SLFN12L: variants seen among roughly 807,000 people sequenced by gnomAD.
SLFN12L encodes the protein schlafen family member 12 like.
In SLFN12L, 34 loss-of-function variants were observed where a neutral mutation model predicts 34.8. The observed-to-expected ratio is 0.98, with a 90% CI of 0.74 to 1.30. The LOEUF is 1.30. SLFN12L is among the 50% of genes most tolerant of loss of function. The pLI is 0.00. For missense variants in SLFN12L, 703 were observed against 696.2 expected (o/e 1.01, Z -0.11); for synonymous variants, 259 against 247.5 (o/e 1.05, Z -0.44).
chr17:35,464,950 C>G lies in SLFN12L; in HGVS notation c.*9973G>C, dbSNP rs970573271. Among the ~76,000 whole-genome samples the G allele has an allele frequency of 2.0e-5, 3 of 152,118 alleles. No homozygotes were observed. Among genetic ancestry groups the G allele is most frequent in the Non-Finnish European group, 2.9e-5 (2 of 68,030 alleles). The stretch of plus-strand genomic sequence containing the variant: ...GGAGTGCGGTGGTGCCATCTTGGCT[C>G]ACTGCAACCCCCGCCTCCCAGGTTC... On this transcript the variant is annotated 3_prime_UTR_variant, in exon 5 of 5. Transcript: ENST00000628453.
intron 1 of SLFN12L, among the ~76,000 whole-genome samples, chr17:35,537,228 C>T (rs1307950055): frequency 6.6e-6 from 1 of 152,138 alleles, no homozygotes; most frequent in African/African-American, 2.4e-5. Context: ...CAAGTCTCCT[C>T]ACTTGTCTTA....
At chr17:35,518,406 C>T (rs1030786345) in intron 2 of SLFN12L, among the ~76,000 whole-genome samples, 2 of 152,096 alleles carry the variant, frequency 1.3e-5, no homozygotes, top group Non-Finnish European at 2.9e-5. Context: ...CAAAAATTAG[C>T]TGGGCATTGT....
rs1913780894 is a variant in SLFN12L, at chr17:35,470,023, C to A, written c.*4900G>T. The A allele has an allele frequency of 2.0e-5, 3 of 152,224 alleles. No individual in the cohort carries two copies. The South Asian group carries it at 6.2e-4, about 31-fold the overall frequency. The allele number at this position is 152,224 out of a possible 1,614,324, so 9.4% of individuals were successfully genotyped here. A position where few individuals can be genotyped will look rare whatever the true frequency, so the allele number is the denominator to read the frequency against. The stretch of plus-strand genomic sequence containing the variant: ...CCTGCATGACAGAGCAAGTCCCCTT[C>A]TCTTGGAACTATAAGTAATAAAGTC... On this transcript the variant is annotated 3_prime_UTR_variant, in exon 5 of 5. Transcript: ENST00000628453.
Position 35,469,893 on chromosome 17 carries a change from G to A in SLFN12L, c.*5030C>T, listed in dbSNP as rs1913777635. ...AGTCCTAAGCTGTTCCCCCTGCCCA[G>A]CTGGACCTTTCCCACAGAAACCCTA... On this transcript the variant is annotated 3_prime_UTR_variant, in exon 5 of 5. Transcript: ENST00000628453. 6.6e-6 allele frequency among the ~76,000 whole-genome samples: 1 copy of A among 152,110 alleles called. No individual in the cohort carries two copies. Among genetic ancestry groups the A allele is most frequent in the South Asian group, 2.1e-4 (1 of 4,820 alleles).
rs12451876 is a variant in SLFN12L at position 35,479,793 on chromosome 17, C to T, written c.489G>A (p.Thr163=). Residue 163 remains threonine (T), a synonymous_variant, in exon 3 of 5, where the codon ACG becomes ACA. Transcript: ENST00000628453. ...SLETSGPQIA[T]LSSSLYKRDV... ...CTCTCTTGTACAAACTGGAGCTCAACGTGGCAATCTGCGGACCAGAGGTTT... is the reference window on the plus strand; with the variant it reads ...CTCTCTTGTACAAACTGGAGCTCAATGTGGCAATCTGCGGACCAGAGGTTT... 225,069 of 1,612,138 alleles carry T rather than the reference C, an allele frequency of 0.14. 17,207 individuals are homozygous for T. The highest frequency in any genetic ancestry group is 0.25 in the South Asian group (22,891 of 90,878).
intron 2 of SLFN12L, among the ~76,000 whole-genome samples, chr17:35,501,272 G>GC (rs1915287058): frequency 6.6e-6 from 1 of 152,220 alleles, no homozygotes; most frequent in Admixed American, 6.5e-5. Flanking sequence ...GACCCCAATG[G>GC]AGGATCAATA....
Position 35,522,393 on chromosome 17 carries a change from A to G in SLFN12L, c.-29T>C, listed in dbSNP as rs535906623. 1.3e-4 allele frequency: 212 copies of G among 1,614,170 alleles called. 1 individual carries two copies. The highest frequency in any genetic ancestry group is 2.2e-4 in the East Asian group (10 of 44,876). On this transcript the variant is annotated 5_prime_UTR_variant, in exon 2 of 5. It removes the in-frame stop codon of an upstream open reading frame in the 5' UTR. Coordinates refer to ENST00000628453, the MANE Select transcript of SLFN12L (RefSeq NM_001363830.2). ...CTTCATGGCCATGATGGTCTTTCCT[A>G]AGCCAGGTAAGCCATGGACAAACAA...
chr17:35,521,641 C>T (rs1180630218), intron 2 of SLFN12L, among the ~76,000 whole-genome samples: 1 of 152,178 alleles, frequency 6.6e-6, no homozygotes, highest in Non-Finnish European at 1.5e-5. Flanking sequence ...AGGAGGATCA[C>T]TTCAGCCCAG....
chr17:35,529,072 C>A (rs1374987816), intron 1 of SLFN12L, among the ~76,000 whole-genome samples: 1 of 152,158 alleles, frequency 6.6e-6, no homozygotes, highest in Non-Finnish European at 1.5e-5. Context: ...GACATTTATG[C>A]ACCCAACAAA....
intron 1 of SLFN12L, among the ~76,000 whole-genome samples, chr17:35,530,978 C>T (rs1350387863): frequency 6.6e-6 from 1 of 152,082 alleles, no homozygotes; most frequent in African/African-American, 2.4e-5. Context: ...ATTGCCATAA[C>T]GTGGCTTAAA....
intron 2 of SLFN12L, among the ~76,000 whole-genome samples, chr17:35,521,211 A>T (rs953824962): frequency 3.3e-4 from 50 of 152,126 alleles, no homozygotes; most frequent in African/African-American, 1.1e-3. Context: ...AGACATAACT[A>T]CTAAATGTCA....
rs1913728028 is a variant in SLFN12L, at chr17:35,467,072, G to A, written c.*7851C>T. Among the ~76,000 whole-genome samples the A allele has an allele frequency of 6.6e-6, 1 of 152,164 alleles. No homozygotes were observed. Among genetic ancestry groups the A allele is most frequent in the East Asian group, 1.9e-4 (1 of 5,194 alleles). ...TCTCTAGCATATTCACACGCAGAAG[G>A]GAGTGACGTCCCCAGTCCTTGGTCC... On this transcript the variant is annotated 3_prime_UTR_variant, in exon 5 of 5. Transcript: ENST00000628453.
Position 35,479,186 on chromosome 17 carries a change from C to A in SLFN12L, c.1096G>T (p.Val366Leu), listed in dbSNP as rs369872858. ...VFAKKPDSWHVKDNRVKQLTE... is the reference protein window; with the variant it reads ...VFAKKPDSWHLKDNRVKQLTE... ...AACTGCTTAACTCTGTTATCTTTCA[C>A]GTGCCAGGAATCAGGCTTTTTAGCA... Residue 366 changes from valine to leucine, a missense_variant, in exon 3 of 5, where the codon GTG becomes TTG. Physicochemically the swap from Val to Leu is conservative, Grantham distance 32. Transcript: ENST00000628453. 218 of 1,578,494 alleles carry A rather than the reference C, an allele frequency of 1.4e-4. 2 individuals are homozygous for A. In the Admixed American group the frequency reaches 2.9e-3, roughly 21 times the overall value.
At chr17:35,499,253 T>G in intron 2 of SLFN12L, 1 of 851,742 alleles carries the variant, frequency 1.2e-6, no homozygotes, top group South Asian at 1.6e-5. Context: ...ACACGACATA[T>G]CTTAGAATGG....
In SLFN12L at chr17:35,522,432, T is replaced by C. The variant is rs146595928; in HGVS notation, c.-68A>G. ...ATGGACAAACAATTCTCTGTTCTTG[T>C]GGAAGCTTCTGGAGAATATCTCATA... is the stretch of plus-strand genomic sequence containing the variant. On this transcript the variant is annotated 5_prime_UTR_variant, in exon 2 of 5. Coordinates refer to ENST00000628453, the MANE Select transcript of SLFN12L (RefSeq NM_001363830.2). 138 of 1,614,116 alleles carry C rather than the reference T, an allele frequency of 8.5e-5. 1 individual carries two copies. The Middle Eastern group carries it at 2.6e-3, about 31-fold the overall frequency.
Position 35,464,819 on chromosome 17 carries a change from A to G in SLFN12L, c.*10104T>C, listed in dbSNP as rs71381447. 6.0e-3 allele frequency among the ~76,000 whole-genome samples: 909 copies of G among 152,306 alleles called. 7 individuals are homozygous for G. The highest frequency in any genetic ancestry group is 0.021 in the African/African-American group (853 of 41,564). ...TTGTATACCAAAGAATTTATATAAC[A>G]AAAAGATAGCTAAGGTCGTGATTGG... On this transcript the variant is annotated 3_prime_UTR_variant, in exon 5 of 5. Transcript: ENST00000628453.
rs371987709 is a variant in SLFN12L at position 35,491,281 on chromosome 17, T to A, written c.87-11086A>T. ...AACTCTCCTTAAAAACCAATTTTTT[T>A]AAATCATGGAACCAGAACATATGTC... On this transcript the variant is annotated intron_variant, in intron 2 of 4. Coordinates refer to ENST00000628453, the MANE Select transcript of SLFN12L (RefSeq NM_001363830.2). 2.3e-4 allele frequency: 176 copies of A among 778,650 alleles called. 1 individual carries two copies. In the African/African-American group the frequency reaches 2.4e-3, roughly 11 times the overall value. 48.2% of individuals were successfully genotyped at this position (778,650 alleles called of 1,614,324 possible).
At position 35,514,898 on chromosome 17, in the gene SLFN12L, T is replaced by G. The variant is rs535132467; in HGVS notation, c.86+7381A>C. 2.2e-5 allele frequency: 9 copies of G among 412,002 alleles called. 1 individual carries two copies. Among genetic ancestry groups the G allele is most frequent in the South Asian group, 8.0e-5 (4 of 50,190 alleles). 25.5% of individuals were successfully genotyped at this position (412,002 alleles called of 1,614,324 possible). A position where few individuals can be genotyped will look rare whatever the true frequency, so the allele number is the denominator to read the frequency against. ...TAACACTTGCAGTAACCACTGTGGC[T>G]GTCCACACACAGCACTTGGATTTGT... On this transcript the variant is annotated intron_variant, in intron 2 of 4. Coordinates refer to ENST00000628453, the MANE Select transcript of SLFN12L (RefSeq NM_001363830.2).
chr17:35,522,421 C>G lies in SLFN12L; in HGVS notation c.-57G>C, dbSNP rs764222254. ...CCAGGTAAGCCATGGACAAACAATT[C>G]TCTGTTCTTGTGGAAGCTTCTGGAG... On this transcript the variant is annotated 5_prime_UTR_variant, in exon 2 of 5. Coordinates refer to ENST00000628453, the MANE Select transcript of SLFN12L (RefSeq NM_001363830.2). 1.2e-6 allele frequency: 2 copies of G among 1,614,120 alleles called. No individual in the cohort carries two copies. Among genetic ancestry groups the G allele is most frequent in the South Asian group, 2.2e-5 (2 of 91,086 alleles).
Sources: gnomAD v4.1 joint callset for allele counts (sites outside exome capture counted in the v4.1 genomes callset) on GRCh38, gnomAD v4.1.1 for gene constraint, MANE v1.5 for transcripts, NCBI Gene and HGNC (gene_info 2026-07-23, HGNC 2026-07-21) for gene names.